The following ANO2 variants were observed in gnomAD, a reference collection of about 807,000 sequenced individuals.
ANO2 encodes the protein anoctamin-2.
A neutral mutation model predicts 124.2 loss-of-function variants in ANO2; 101 were observed. The observed-to-expected ratio is 0.81, with a 90% CI of 0.69 to 0.96. The LOEUF is 0.96. Ranked by LOEUF, ANO2 falls within the 40% of genes least tolerant of loss-of-function variation. The probability of loss-of-function intolerance (pLI) is 0.00; values close to 1 mark genes in which losing one functional copy is unlikely to be tolerated. For synonymous variants in ANO2, 486 were observed against 482.5 expected (o/e 1.01, Z -0.09); for missense variants, 1,293 against 1,274.5 (o/e 1.01, Z -0.22).
In ANO2 at chr12:5,636,875, T is replaced by A. The variant is rs1236879698; in HGVS notation, c.1621-1528A>T. Among the ~76,000 whole-genome samples, 2 of 152,062 alleles carry A rather than the reference T, an allele frequency of 1.3e-5. No homozygotes were observed. The highest frequency in any genetic ancestry group is 2.9e-5 in the Non-Finnish European group (2 of 68,022). On this transcript the variant is annotated intron_variant, in intron 15 of 24. Coordinates refer to ENST00000682330, the MANE Select transcript of ANO2 (RefSeq NM_001364791.2). The surrounding 1 kb of genome is among the most constrained non-coding windows in gnomAD (Gnocchi z 4.6). ...TGCTGGTGGCAGACTCAGCTCTTTA[T>A]CCTGGTAGGCTTCAAAAAATACCAG...
At chr12:5,933,059 G>A (rs1259880203) in intron 1 of ANO2, among the ~76,000 whole-genome samples, 1 of 152,168 alleles carries the variant, frequency 6.6e-6, no homozygotes, top group Non-Finnish European at 1.5e-5. Flanking sequence ...CTCATTTTCT[G>A]CCTGCGGAGT....
At chr12:5,882,852 TG>T (rs1938597279) in intron 3 of ANO2, among the ~76,000 whole-genome samples, 1 of 152,098 alleles carries the variant, frequency 6.6e-6, no homozygotes, top group Non-Finnish European at 1.5e-5. Context: ...ATAGACCACT[TG>T]GGGGTCCTCA....
At position 5,799,561 on chromosome 12, in the gene ANO2, T is replaced by G; in HGVS notation, c.1001A>C (p.Gln334Pro). Reference protein sequence around the residue: ...DDMNDRKLLYQEWARYGVFYK... With the variant: ...DDMNDRKLLYPEWARYGVFYK... ...GAACACTCCATAGCGCGCCCATTCT[T>G]GATATAGCAGCTAAACAAAGAAAAT... Residue 334 changes from glutamine to proline, a missense_variant, in exon 10 of 25, where the codon CAA (glutamine) becomes CCA (proline). By Grantham distance (76) the Gln-to-Pro change is moderately conservative (BLOSUM62 -1). Coordinates refer to ENST00000682330, the MANE Select transcript of ANO2 (RefSeq NM_001364791.2). 6.2e-7 allele frequency: 1 copy of G among 1,613,914 alleles called. No individual in the cohort carries two copies.
At chr12:5,876,364 G>A (rs1207626118) in intron 3 of ANO2, among the ~76,000 whole-genome samples, 3 of 152,172 alleles carry the variant, frequency 2.0e-5, no homozygotes, top group Non-Finnish European at 4.4e-5. Flanking sequence ...AAATATGAAT[G>A]CTTTTACACT....
At chr12:5,923,213 CAT>C (rs1394791228) in intron 1 of ANO2, among the ~76,000 whole-genome samples, 4 of 143,004 alleles carry the variant, frequency 2.8e-5, no homozygotes, top group African/African-American at 1.0e-4. Flanking sequence ...CACACACCCA[CAT>C]ACACACACAC....
chr12:5,577,704 G>C (rs1238441376), intron 22 of ANO2, among the ~76,000 whole-genome samples: 1 of 152,172 alleles, frequency 6.6e-6, no homozygotes, highest in African/African-American at 2.4e-5. Flanking sequence ...GACCGTCAGG[G>C]CCAAGGTATG....
In ANO2 at chr12:5,563,450, T is replaced by C; in HGVS notation, c.2846A>G (p.Glu949Gly). The C allele has an allele frequency of 6.2e-7, 1 of 1,613,854 alleles. No homozygotes were observed. Among genetic ancestry groups the C allele is most frequent in the Non-Finnish European group, 8.5e-7 (1 of 1,179,850 alleles). ...ATCCATCAGCTTGAGCTTCTCATGCTCCTCTTTCAGGAAGAAATCCACTAA... is the reference window on the plus strand; with the variant it reads ...ATCCATCAGCTTGAGCTTCTCATGCCCCTCTTTCAGGAAGAAATCCACTAA... Reference protein sequence around the residue: ...SLLVDFFLKEEHEKLKLMDEP... With the variant: ...SLLVDFFLKEGHEKLKLMDEP... Residue 949 changes from glutamate (E) to glycine (G), a missense_variant, in exon 25 of 25, where the codon GAG becomes GGG. Coordinates refer to ENST00000682330, the MANE Select transcript of ANO2 (RefSeq NM_001364791.2).
intron 20 of ANO2, among the ~76,000 whole-genome samples, chr12:5,594,710 T>C (rs1387199197): frequency 2.6e-5 from 4 of 152,038 alleles, no homozygotes; most frequent in Admixed American, 2.0e-4. Flanking sequence ...TGGCGGTGCA[T>C]GCCTGTAGTG....
intron 23 of ANO2, among the ~76,000 whole-genome samples, chr12:5,570,547 G>A (rs558742462): frequency 6.6e-6 from 1 of 152,192 alleles, no homozygotes; most frequent in East Asian, 1.9e-4. Context: ...AGAGAGGAGA[G>A]AGACTCAGGG....
At chr12:5,746,759 C>T (rs1273122823) in intron 11 of ANO2, among the ~76,000 whole-genome samples, 1 of 152,144 alleles carries the variant, frequency 6.6e-6, no homozygotes, top group Non-Finnish European at 1.5e-5. Context: ...GGAGAAGGTA[C>T]AAAGAGGCAA....
chr12:5,617,679 C>T (rs1308985582), intron 16 of ANO2, among the ~76,000 whole-genome samples: 2 of 152,070 alleles, frequency 1.3e-5, no homozygotes, highest in Non-Finnish European at 2.9e-5. Flanking sequence ...TACGTCGTAC[C>T]GCACTCTCCA....
At chr12:5,570,819 T>A (rs1160249657) in intron 23 of ANO2, among the ~76,000 whole-genome samples, 1 of 152,228 alleles carries the variant, frequency 6.6e-6, no homozygotes, top group Non-Finnish European at 1.5e-5. Context: ...CTACATACAA[T>A]ATTTTCATAC....
chr12:5,874,447 G>T (rs547069040), intron 3 of ANO2, among the ~76,000 whole-genome samples: 1 of 152,178 alleles, frequency 6.6e-6, no homozygotes, highest in African/African-American at 2.4e-5. Flanking sequence ...AGAGCTGCAG[G>T]CTTCTTTGGT....
chr12:5,725,438 C>T (rs913532175), intron 14 of ANO2, among the ~76,000 whole-genome samples: 3 of 152,180 alleles, frequency 2.0e-5, no homozygotes, highest in African/African-American at 7.2e-5. Context: ...CCTGGACTTT[C>T]GTGCCAGCGC....
At chr12:5,877,563 C>A (rs1263492481) in intron 3 of ANO2, among the ~76,000 whole-genome samples, 1 of 152,196 alleles carries the variant, frequency 6.6e-6, no homozygotes, top group Non-Finnish European at 1.5e-5. Context: ...CCAACCATTA[C>A]CAATTATGTG....
intron 4 of ANO2, among the ~76,000 whole-genome samples, chr12:5,842,348 G>A (rs183784016): frequency 1.5e-3 from 221 of 150,914 alleles, no homozygotes; most frequent in Middle Eastern, 0.01. Context: ...GATGGAAAAC[G>A]TAACTTTCCA....
upstream of ANO2, chr12:5,946,015 C>T: frequency 1.9e-6 from 2 of 1,051,278 alleles, no homozygotes; most frequent in East Asian, 2.4e-5. This position sits in a 1 kb window ranked among gnomAD's most constrained non-coding sequence, Gnocchi z 4.1. Flanking sequence ...GAGGGAAGAC[C>T]TCCAAAGGGC....
intron 10 of ANO2, among the ~76,000 whole-genome samples, chr12:5,782,391 T>C (rs1201462255): frequency 6.6e-6 from 1 of 152,200 alleles, no homozygotes; most frequent in East Asian, 1.9e-4. Flanking sequence ...AATCTGGCAA[T>C]TTCTACCCCT....
Position 5,784,524 on chromosome 12 carries a change from G to A in ANO2, c.1055+14983C>T, listed in dbSNP as rs952059425. Among the ~76,000 whole-genome samples the A allele has an allele frequency of 3.9e-5, 6 of 152,172 alleles. No homozygotes were observed. The East Asian group carries it at 1.2e-3, about 29-fold the overall frequency. ...GGGTGGCTGCTTACTTCCTGCACTG[G>A]AGGGGCCAAGCCAGGCAAACTTAAG... On this transcript the variant is annotated intron_variant, in intron 10 of 24. Transcript: ENST00000682330.
Sources: allele counts gnomAD v4.1 joint callset (sites outside exome capture counted in the v4.1 genomes callset), GRCh38; gene constraint gnomAD v4.1.1; non-coding constraint Gnocchi (gnomAD v3.1); transcripts MANE v1.5; gene names NCBI Gene and HGNC (gene_info 2026-07-23, HGNC 2026-07-21).